Variants in IFI35 observed in about 807,000 individuals in gnomAD.
IFI35 encodes interferon induced protein 35.
Under a neutral mutation model 28.6 loss-of-function variants are expected in IFI35, and 30 were observed. The observed-to-expected ratio is 1.05, with a 90% CI of 0.79 to 1.43. The LOEUF (loss-of-function observed/expected upper bound fraction) is 1.43, where lower values mean the gene tolerates loss of function less well. Among genes scored for constraint, IFI35 ranks in the 40% most tolerant of loss-of-function variants. The probability of loss-of-function intolerance (pLI) is 0.00; values close to 1 mark genes in which losing one functional copy is unlikely to be tolerated. For missense variants in IFI35, 372 were observed against 356.9 expected (o/e 1.04, Z -0.34); for synonymous variants, 146 against 154.8 (o/e 0.94, Z 0.42).
chr17:43,012,930 C>A, intron 2 of IFI35, 117 bp from the exon 3 acceptor site: 2 of 1,132,408 alleles, frequency 1.8e-6, no homozygotes, highest in South Asian at 1.5e-5. Context: ...ATTTATCCAG[C>A]TTTTCTTTCA....
At chr17:43,010,563 CTTAAAGGCACTGTGT>C (rs1312630072) in intron 1 of IFI35, among the ~76,000 whole-genome samples, 2 of 152,194 alleles carry the variant, frequency 1.3e-5, no homozygotes, top group Non-Finnish European at 2.9e-5. Context: ...CCAACTGGCC[CTTAAAGGCACTGTGT>C]TAGCACTCTC....
In IFI35 at chr17:43,013,132, AT is replaced by A; in HGVS notation, c.209del (p.Leu70CysfsTer13). The part of the protein sequence containing the change: ...DPEVPKSLVS[N>X]LRIHCPLLAG... ...GAAGTGCCTAAGTCTTTAGTTTCCA[AT>A]TTGCGGATCCACTGCCCTCTGCTTG... On this transcript the variant is annotated frameshift_variant, in exon 3 of 7. Transcript: ENST00000415816. LOFTEE classifies it high-confidence loss of function. 1 of 1,613,824 alleles carries A rather than the reference AT, an allele frequency of 6.2e-7. No individual in the cohort carries two copies. Among genetic ancestry groups the A allele is most frequent in the Non-Finnish European group, 8.5e-7 (1 of 1,179,984 alleles).
At chr17:43,008,343 C>CTTT (rs34285823) in intron 1 of IFI35, among the ~76,000 whole-genome samples, 43 of 89,390 alleles carry the variant, frequency 4.8e-4, no homozygotes, top group African/African-American at 1.1e-3. Context: ...CTTTTCTTTC[C>CTTT]TTTTTTTTTT....
At chr17:43,011,340 G>A (rs995324577) in intron 1 of IFI35, among the ~76,000 whole-genome samples, 2 of 152,128 alleles carry the variant, frequency 1.3e-5, no homozygotes, top group African/African-American at 4.8e-5. Context: ...CCAACATGGT[G>A]AAAACCTGTT....
At chr17:43,012,747 C>CA (rs1374412457) in intron 2 of IFI35, 11 of 365,690 alleles carry the variant, frequency 3.0e-5, no homozygotes, top group African/African-American at 2.1e-4. Flanking sequence ...CAAAGAAACA[C>CA]AAAAAAGAGC....
intron 1 of IFI35, among the ~76,000 whole-genome samples, chr17:43,010,204 C>T (rs1354371869): frequency 6.6e-6 from 1 of 151,606 alleles, no homozygotes; most frequent in Non-Finnish European, 1.5e-5. Flanking sequence ...CACTGCACTC[C>T]AGCCTGGGCG....
Position 43,006,828 on chromosome 17 carries a change from T to TG in IFI35, c.-119dup. The TG allele has an allele frequency of 9.5e-7, 1 of 1,047,196 alleles. No homozygotes were observed. Among genetic ancestry groups the TG allele is most frequent in the Non-Finnish European group, 1.5e-6 (1 of 666,854 alleles). The allele number at this position is 1,047,196 out of a possible 1,614,324, so 64.9% of individuals were successfully genotyped here. A position where few individuals can be genotyped will look rare whatever the true frequency, so the allele number is the denominator to read the frequency against. On this transcript the variant is annotated 5_prime_UTR_variant, in exon 1 of 7. Coordinates refer to ENST00000415816, the MANE Select transcript of IFI35 (RefSeq NM_001330230.2). The stretch of plus-strand genomic sequence containing the variant: ...GCCTCCTGAGGTGTATTTCGGGTCT[T>TG]GCTGGGGCTGAGAGAGACCACAGCC...
At chr17:43,010,436 G>A (rs1209441064) in intron 1 of IFI35, among the ~76,000 whole-genome samples, 2 of 152,054 alleles carry the variant, frequency 1.3e-5, no homozygotes, top group African/African-American at 4.8e-5. Flanking sequence ...GCTGTGGGGG[G>A]AAACTTTGTT....
chr17:43,013,914 G>C, intron 6 of IFI35, 32 bp downstream of exon 6: 1 of 1,495,882 alleles, frequency 6.7e-7, no homozygotes, highest in African/African-American at 1.4e-5. Flanking sequence ...CAGGGGCTGG[G>C]CTGGGTAACC....
rs138159139 is a variant in IFI35, at chr17:43,013,610, C to T, written c.510C>T (p.Asp170=). 4.0e-5 allele frequency: 65 copies of T among 1,614,078 alleles called. No individual in the cohort carries two copies. Among genetic ancestry groups the T allele is most frequent in the East Asian group, 1.6e-4 (7 of 44,870 alleles). The change falls in exon 5 of 7, where the codon GAC becomes GAT. Residue 170 remains aspartate, a synonymous_variant. Coordinates refer to ENST00000415816, the MANE Select transcript of IFI35 (RefSeq NM_001330230.2). ...GKTRNGGGDV[D]VRELLPGSVM... is the part of the protein sequence containing the mutation. ...CTAGGAACGGAGGTGGCGATGTGGA[C>T]GTTCGGGAGCTACTGCCAGGGAGTG...
At chr17:43,007,495 ACT>A (rs960670571) in intron 1 of IFI35, among the ~76,000 whole-genome samples, 5 of 142,622 alleles carry the variant, frequency 3.5e-5, no homozygotes, top group Admixed American at 1.4e-4. Context: ...ACACAGCGAG[ACT>A]CTGTCTAAAA....
intron 1 of IFI35, 96 bp downstream of exon 1, chr17:43,007,064 A>G: frequency 1.5e-6 from 2 of 1,331,286 alleles, no homozygotes; most frequent in Non-Finnish European, 1.1e-6. Flanking sequence ...GCCAAGCCTC[A>G]CCCTGCCCAT....
At position 43,012,252 on chromosome 17, in the gene IFI35, A is replaced by G. The variant is rs758942957; in HGVS notation, c.95A>G (p.Glu32Gly). The G allele has an allele frequency of 1.1e-5, 17 of 1,575,888 alleles. No homozygotes were observed. The highest frequency in any genetic ancestry group is 1.3e-5 in the African/African-American group (1 of 74,168). ...TGGGACCTGCAGCAGCTGAGAAAGG[A>G]GCTCGGGGACTCCCCCAAAGACAAG... is the stretch of plus-strand genomic sequence containing the variant. ...RLWDLQQLRK[E>G]LGDSPKDKVP... Residue 32 changes from glutamate (E) to glycine (G), a missense_variant, in exon 2 of 7, where the codon GAG (glutamate) becomes GGG (glycine). Coordinates refer to ENST00000415816, the MANE Select transcript of IFI35 (RefSeq NM_001330230.2).
intron 1 of IFI35, among the ~76,000 whole-genome samples, chr17:43,010,388 C>T (rs929328881): frequency 5.9e-5 from 9 of 152,092 alleles, no homozygotes; most frequent in Admixed American, 5.2e-4. Context: ...GAGACTTTGT[C>T]TCAAAAAACA....
chr17:43,014,296 C>T lies in IFI35; in HGVS notation c.858C>T (p.Gly286=). 1 of 1,539,166 alleles carries T rather than the reference C, an allele frequency of 6.5e-7. No individual in the cohort carries two copies. Among genetic ancestry groups the T allele is most frequent in the Non-Finnish European group, 8.7e-7 (1 of 1,145,262 alleles). ...TAGCAGTCTTCACCTCTGAGTCAGG[C>T]TAGGGGCCTCCCCTTCTCATCCTCC... The part of the protein sequence containing the change: ...QGLAVFTSES[G] Residue 286 remains glycine (G), a synonymous_variant, in exon 7 of 7, where the codon GGC becomes GGT. Transcript: ENST00000415816.
rs200811245 is a variant in IFI35 at position 43,013,851 on chromosome 17, C to G, written c.638C>G (p.Pro213Arg). Residue 213 changes from proline (P) to arginine (R), a missense_variant, in exon 6 of 7, where the codon CCG (proline) becomes CGG (arginine). Transcript: ENST00000415816. ...CAGCAAGTCCCTCTGAGAGTCTCTC[C>G]GTATGTGAACGGGGAGATCCAGAAG... is the stretch of plus-strand genomic sequence containing the variant. ...GGQQVPLRVS[P>R]YVNGEIQKAE... The G allele has an allele frequency of 1.2e-6, 2 of 1,608,016 alleles. No individual in the cohort carries two copies. The highest frequency in any genetic ancestry group is 1.7e-6 in the Non-Finnish European group (2 of 1,176,970).
intron 1 of IFI35, among the ~76,000 whole-genome samples, chr17:43,010,799 A>T (rs1307190576): frequency 6.6e-6 from 1 of 152,154 alleles, no homozygotes; most frequent in Non-Finnish European, 1.5e-5. Context: ...TGTGCCGGAG[A>T]TCTTGCTGGA....
intron 1 of IFI35, among the ~76,000 whole-genome samples, chr17:43,009,787 G>T (rs943015847): frequency 1.3e-5 from 2 of 152,002 alleles, no homozygotes; most frequent in Non-Finnish European, 2.9e-5. Flanking sequence ...AAAAAAATTA[G>T]CCAGGAGTGG....
intron 2 of IFI35, 144 bp from the exon 3 acceptor site, chr17:43,012,903 C>T (rs1232102554): frequency 6.7e-6 from 6 of 889,104 alleles, no homozygotes; most frequent in Non-Finnish European, 1.1e-5. Context: ...ATGGACCAGA[C>T]CTGCATTCAT....
Sources: allele counts gnomAD v4.1 joint callset (sites outside exome capture counted in the v4.1 genomes callset), GRCh38; gene constraint gnomAD v4.1.1; transcripts MANE v1.5; gene names NCBI Gene and HGNC (gene_info 2026-07-23, HGNC 2026-07-21).